G3BP2: variants seen among roughly 807,000 people sequenced by gnomAD.
G3BP2 encodes the protein ras GTPase-activating protein-binding protein 2.
In G3BP2, 11 loss-of-function variants were observed where a neutral mutation model predicts 56.7. That is an observed-to-expected ratio of 0.19 (90% CI 0.12 to 0.32). The LOEUF (loss-of-function observed/expected upper bound fraction) is 0.32. Ranked by LOEUF, G3BP2 falls within the 10% of genes least tolerant of loss-of-function variation. The pLI is 1.00. For synonymous variants in G3BP2, 165 were observed against 191.6 expected, an observed-to-expected ratio of 0.86 and a Z score of 1.15; for missense variants, 340 against 610.9, an observed-to-expected ratio of 0.56 and a Z score of 4.67.
intron 1 of G3BP2, chr4:75,672,680 T>A (rs1229035100): frequency 6.6e-6 from 1 of 152,136 alleles, no homozygotes; most frequent in African/African-American, 2.4e-5. Context: ...CGCATCTGCG[T>A]CGCTTCTGCC....
At chr4:75,673,028 A>G in intron 1 of G3BP2, 180 bp downstream of exon 1, 3 of 990,592 alleles carry the variant, frequency 3.0e-6, no homozygotes, top group Non-Finnish European at 3.6e-6. Context: ...CCTAGAGGAA[A>G]GACTGGTCTT....
At chr4:75,663,002 G>C (rs1239810868) in intron 1 of G3BP2, among the ~76,000 whole-genome samples, 1 of 152,152 alleles carries the variant, frequency 6.6e-6, no homozygotes, top group African/African-American at 2.4e-5. Context: ...TCAGTACTTA[G>C]AGAGAATCAT....
intron 3 of G3BP2, among the ~76,000 whole-genome samples, chr4:75,701,841 G>A (rs1184995140): frequency 6.6e-6 from 1 of 152,162 alleles, no homozygotes; most frequent in Non-Finnish European, 1.5e-5. Context: ...ATACTCTATA[G>A]ATGAGAAAGA....
At chr4:75,659,434 T>C (rs928473282) in intron 2 of G3BP2, among the ~76,000 whole-genome samples, 1 of 152,220 alleles carries the variant, frequency 6.6e-6, no homozygotes, top group Non-Finnish European at 1.5e-5. Context: ...AGACCAAGTC[T>C]AAAATCCAAA....
intron 4 of G3BP2, among the ~76,000 whole-genome samples, chr4:75,657,275 ACTCTT>A (rs1267047411): frequency 2.6e-5 from 4 of 152,078 alleles, no homozygotes; most frequent in African/African-American, 9.7e-5. Flanking sequence ...AACCAAAAGA[ACTCTT>A]CTATTTTGTT....
chr4:75,662,972 A>G (rs1732685843), intron 1 of G3BP2, among the ~76,000 whole-genome samples: 1 of 152,200 alleles, frequency 6.6e-6, no homozygotes, highest in African/African-American at 2.4e-5. Context: ...GGTAACAATG[A>G]TTAATCACCA....
At chr4:75,649,066 G>A in intron 8 of G3BP2, 1 of 182,736 alleles carries the variant, frequency 5.5e-6, no homozygotes, top group Non-Finnish European at 1.2e-5. Flanking sequence ...TCACAAAAAT[G>A]CAAGATGAAC....
intron 8 of G3BP2, among the ~76,000 whole-genome samples, chr4:75,649,541 C>G (rs749180264): frequency 6.6e-6 from 1 of 152,112 alleles, no homozygotes; most frequent in East Asian, 1.9e-4. Context: ...ATTACATCGG[C>G]GTCTGCTATT....
intron 2 of G3BP2, among the ~76,000 whole-genome samples, chr4:75,661,141 T>A (rs946956645): frequency 6.6e-6 from 1 of 152,140 alleles, no homozygotes; most frequent in African/African-American, 2.4e-5. Context: ...CAAGATATGG[T>A]CTTTTGAGAC....
intron 3 of G3BP2, among the ~76,000 whole-genome samples, chr4:75,694,079 T>G (rs1267102801): frequency 1.3e-5 from 2 of 152,162 alleles, no homozygotes; most frequent in Non-Finnish European, 2.9e-5. Flanking sequence ...AGACAGGGCT[T>G]CCCTAAACTA....
At chr4:75,657,417 G>A (rs189090607) in intron 4 of G3BP2, 140 bp downstream of exon 4, 49 of 609,214 alleles carry the variant, frequency 8.0e-5, no homozygotes, top group Non-Finnish European at 1.3e-4. Context: ...GTACACACAC[G>A]CACTCACTCA....
chr4:75,672,476 T>C (rs1388492788), intron 1 of G3BP2: 1 of 152,120 alleles, frequency 6.6e-6, no homozygotes, highest in African/African-American at 2.4e-5. Flanking sequence ...ATCGTCTGCA[T>C]AAGAGGGGGA....
intron 3 of G3BP2, among the ~76,000 whole-genome samples, chr4:75,689,499 A>C (rs1718763114): frequency 1.3e-5 from 2 of 152,222 alleles, no homozygotes; most frequent in Admixed American, 1.3e-4. Context: ...TTCTTAGTAA[A>C]TCATTTTGAA....
chr4:75,717,883 G>A (rs761463112), intron 3 of G3BP2, among the ~76,000 whole-genome samples: 4 of 152,166 alleles, frequency 2.6e-5, no homozygotes, highest in Non-Finnish European at 4.4e-5. Context: ...GCTCATGCCT[G>A]TAATCCCAGC....
chr4:75,702,134 G>A (rs115921143), intron 3 of G3BP2, among the ~76,000 whole-genome samples: 333 of 146,768 alleles, frequency 2.3e-3, no homozygotes, highest in African/African-American at 7.6e-3. Context: ...TATAAGTGCC[G>A]TTCCCCCCTA....
At chr4:75,673,708 G>C (rs1400549178), upstream of G3BP2, 1 of 989,878 alleles carries the variant, frequency 1.0e-6, no homozygotes, top group African/African-American at 1.7e-5. Context: ...CTTCCTGATC[G>C]CGCAAGCGAG....
At chr4:75,657,452 C>T in intron 4 of G3BP2, 105 bp downstream of exon 4, 4 of 822,012 alleles carry the variant, frequency 4.9e-6, no homozygotes, top group East Asian at 2.5e-5. Context: ...CACAAATTCC[C>T]CAAAAATAAC....
intron 3 of G3BP2, chr4:75,694,913 T>C (rs1719040615): frequency 7.1e-6 from 7 of 985,218 alleles, no homozygotes; most frequent in African/African-American, 7.0e-5. Flanking sequence ...CAGGAAGCGA[T>C]AAGGACATGA....
At chr4:75,673,488 T>C, upstream of G3BP2, 1 of 1,231,910 alleles carries the variant, frequency 8.1e-7, no homozygotes, top group Non-Finnish European at 1.0e-6. Context: ...GAGCACAGCG[T>C]CAGCCAATCA....
Sources: allele counts gnomAD v4.1 joint callset (sites outside exome capture counted in the v4.1 genomes callset), GRCh38; gene constraint gnomAD v4.1.1; transcripts MANE v1.5; gene names NCBI Gene and HGNC (gene_info 2026-07-23, HGNC 2026-07-21).